Variants in C4orf17 observed in about 807,000 individuals in gnomAD.
C4orf17 encodes chromosome 4 open reading frame 17, also known as uncharacterized protein C4orf17.
A neutral mutation model predicts 32.0 loss-of-function variants in C4orf17; 25 were observed. That is an observed-to-expected ratio of 0.78 (90% confidence interval 0.57 to 1.09). C4orf17 has a LOEUF of 1.09. C4orf17 is among the 50% of genes least tolerant of loss of function. The pLI is 0.00. For synonymous variants in C4orf17, 149 were observed against 145.8 expected (o/e 1.02, Z -0.16); for missense variants, 420 against 420.0 (o/e 1.00, Z 0.00).
intron 8 of C4orf17, 68 bp from the exon 9 acceptor site, chr4:99,541,842 T>C: frequency 2.6e-6 from 3 of 1,133,876 alleles, no homozygotes; most frequent in Non-Finnish European, 3.8e-6. Context: ...AATTTACTAC[T>C]AAAACATGGA....
chr4:99,524,431 C>A, intron 3 of C4orf17, 90 bp from the exon 4 acceptor site: 1 of 640,156 alleles, frequency 1.6e-6, no homozygotes, highest in Non-Finnish European at 2.5e-6. Context: ...CAGAAACACT[C>A]TATCTATTTC....
At chr4:99,532,765 C>T (rs548602047) in intron 5 of C4orf17, among the ~76,000 whole-genome samples, 6 of 152,232 alleles carry the variant, frequency 3.9e-5, no homozygotes, top group African/African-American at 1.4e-4. Context: ...CTACAAAATA[C>T]TAGAGTGTGA....
chr4:99,533,107 G>A (rs1723504190), intron 5 of C4orf17, among the ~76,000 whole-genome samples: 1 of 152,160 alleles, frequency 6.6e-6, no homozygotes, highest in Non-Finnish European at 1.5e-5. Context: ...TACTTTATAA[G>A]TCCTATCAAG....
intron 5 of C4orf17, among the ~76,000 whole-genome samples, chr4:99,532,287 C>T (rs1723489136): frequency 6.6e-6 from 1 of 152,090 alleles, no homozygotes; most frequent in Non-Finnish European, 1.5e-5. Flanking sequence ...ATAGCAAAGA[C>T]ATGGAATCAA....
At chr4:99,533,902 C>A (rs1431783581) in intron 5 of C4orf17, among the ~76,000 whole-genome samples, 2 of 152,154 alleles carry the variant, frequency 1.3e-5, no homozygotes, top group Non-Finnish European at 2.9e-5. Flanking sequence ...ATTCTCAAAT[C>A]CTAAAATAAA....
chr4:99,519,399 C>A (rs1020592104), intron 2 of C4orf17: 1 of 152,130 alleles, frequency 6.6e-6, no homozygotes, highest in Non-Finnish European at 1.5e-5. Context: ...AATTACCACA[C>A]CTTATGGTGT....
chr4:99,522,754 C>T, intron 3 of C4orf17, 45 bp downstream of exon 3: 1 of 1,480,138 alleles, frequency 6.8e-7, no homozygotes, highest in Non-Finnish European at 9.4e-7. Flanking sequence ...ATGCCTCCTG[C>T]AAACAAGGCT....
intron 1 of C4orf17, 45 bp downstream of exon 1, chr4:99,511,317 G>A (rs1723089914): frequency 6.6e-6 from 1 of 151,882 alleles, no homozygotes; most frequent in Non-Finnish European, 1.5e-5. Flanking sequence ...TAAAATTTTA[G>A]GTATGATTTA....
intron 2 of C4orf17, among the ~76,000 whole-genome samples, chr4:99,516,742 T>G (rs1420556652): frequency 6.6e-6 from 1 of 152,114 alleles, no homozygotes; most frequent in Non-Finnish European, 1.5e-5. Flanking sequence ...GGTGGAGAAG[T>G]GGATAAGAGG....
chr4:99,520,949 T>C (rs1214920438), intron 2 of C4orf17, among the ~76,000 whole-genome samples: 2 of 152,246 alleles, frequency 1.3e-5, no homozygotes, highest in African/African-American at 4.8e-5. Flanking sequence ...TAATAATATG[T>C]TCATAGTGTT....
Position 99,529,810 on chromosome 4 carries a change from T to C in C4orf17, c.403-5T>C. On this transcript the variant is annotated splice_region_variant and splice_polypyrimidine_tract_variant and intron_variant, in intron 4 of 8. Coordinates refer to ENST00000326581, the MANE Select transcript of C4orf17 (RefSeq NM_032149.3). ...TATATTGGTTATATTATACTTTTGA[T>C]TTAGGAAGAAATTAAGGCCAAAAGA... 1.9e-6 allele frequency: 3 copies of C among 1,601,616 alleles called. No homozygotes were observed. The highest frequency in any genetic ancestry group is 1.1e-5 in the South Asian group (1 of 88,518).
intron 2 of C4orf17, among the ~76,000 whole-genome samples, chr4:99,519,792 G>C (rs532042453): frequency 1.4e-4 from 21 of 152,186 alleles, no homozygotes; most frequent in Non-Finnish European, 2.6e-4. Flanking sequence ...GAAGGAATGA[G>C]GGACAGGCCA....
chr4:99,519,785 G>A (rs1723254106), intron 2 of C4orf17, among the ~76,000 whole-genome samples: 1 of 152,150 alleles, frequency 6.6e-6, no homozygotes, highest in Non-Finnish European at 1.5e-5. Context: ...AAAGTGGGAA[G>A]GAATGAGGGA....
intron 2 of C4orf17, among the ~76,000 whole-genome samples, chr4:99,518,619 C>T (rs188923640): frequency 7.4e-4 from 82 of 111,064 alleles, no homozygotes; most frequent in Middle Eastern, 0.017. Context: ...ACTGTTTATC[C>T]TACACAAAAT....
intron 5 of C4orf17, among the ~76,000 whole-genome samples, chr4:99,531,535 G>C (rs1422107438): frequency 6.6e-6 from 1 of 151,988 alleles, no homozygotes. Context: ...CCTCTCAAAA[G>C]CATCTTCTAT....
intron 7 of C4orf17, among the ~76,000 whole-genome samples, chr4:99,540,164 A>G (rs1723631631): frequency 6.6e-6 from 1 of 152,164 alleles, no homozygotes; most frequent in South Asian, 2.1e-4. Context: ...ATCAGAAACT[A>G]GAAGATAGTA....
chr4:99,512,670 T>C (rs1046808690), intron 1 of C4orf17, among the ~76,000 whole-genome samples: 3 of 152,184 alleles, frequency 2.0e-5, no homozygotes, highest in African/African-American at 7.2e-5. Flanking sequence ...TCAAAATTGA[T>C]AATCATGTAA....
At chr4:99,525,665 C>T (rs779610305) in intron 4 of C4orf17, among the ~76,000 whole-genome samples, 2 of 151,900 alleles carry the variant, frequency 1.3e-5, no homozygotes, top group African/African-American at 2.4e-5. Context: ...CTTGGTGGTA[C>T]GCGCCTGTAG....
At chr4:99,537,817 A>T in intron 6 of C4orf17, 67 bp downstream of exon 6, 1 of 1,128,310 alleles carries the variant, frequency 8.9e-7, no homozygotes, top group Admixed American at 1.7e-5. Flanking sequence ...GAATATGCCA[A>T]TATCTGAAGT....
Sources: allele counts gnomAD v4.1 joint callset (sites outside exome capture counted in the v4.1 genomes callset), GRCh38; gene constraint gnomAD v4.1.1; transcripts MANE v1.5; gene names NCBI Gene and HGNC (gene_info 2026-07-23, HGNC 2026-07-21).